Variants in PRDM10 observed in about 807,000 individuals in gnomAD.
PRDM10 encodes PR/SET domain 10.
PRDM10 carries 65 observed loss-of-function variants against 133.1 expected under a neutral mutation model. The ratio of observed to expected loss-of-function variants is 0.49; its 90% CI spans 0.40 to 0.60. The LOEUF (loss-of-function observed/expected upper bound fraction) is 0.60. Among genes scored for constraint, PRDM10 ranks in the 20% least tolerant of loss-of-function variants. PRDM10 has a pLI of 0.00. For synonymous variants in PRDM10, 582 were observed against 580.4 expected, an observed-to-expected ratio of 1.00 and a Z score of -0.04; for missense variants, 1,137 against 1,507.1, an observed-to-expected ratio of 0.75 and a Z score of 4.07.
At chr11:129,944,692 A>G (rs1365256141) in intron 6 of PRDM10, 79 bp downstream of exon 6, 2 of 1,538,086 alleles carry the variant, frequency 1.3e-6, no homozygotes, top group Non-Finnish European at 1.8e-6. Flanking sequence ...AAACAGGAAT[A>G]AGAGACTGAG....
chr11:129,986,107 G>A (rs111303508), intron 1 of PRDM10, among the ~76,000 whole-genome samples: 26 of 151,112 alleles, frequency 1.7e-4, no homozygotes, highest in African/African-American at 5.1e-4. Context: ...CTCGCCCTGT[G>A]CCTCCAACCT....
Position 129,902,136 on chromosome 11 carries a change from A to G in PRDM10, c.*177T>C, listed in dbSNP as rs1055236722. 8 of 848,714 alleles carry G rather than the reference A, an allele frequency of 9.4e-6. No individual in the cohort carries two copies. In the African/African-American group the frequency reaches 1.0e-4, roughly 11 times the overall value. The allele number at this position is 848,714 out of a possible 1,614,324, so 52.6% of individuals were successfully genotyped here. A position where few individuals can be genotyped will look rare whatever the true frequency, so the allele number is the denominator to read the frequency against. On this transcript the variant is annotated 3_prime_UTR_variant, in exon 21 of 21. Transcript: ENST00000360871. ...CAAAAACCGAGGGTTTGAAGAGTCA[A>G]TTTGATAAAGATGACCTTGGCAAAA...
intron 3 of PRDM10, among the ~76,000 whole-genome samples, chr11:129,955,803 A>G (rs145069602): frequency 2.1e-3 from 327 of 152,376 alleles, no homozygotes; most frequent in Non-Finnish European, 3.4e-3. Flanking sequence ...AATGGCTAAC[A>G]TACTTCGCAA....
intron 1 of PRDM10, among the ~76,000 whole-genome samples, chr11:129,971,242 A>T (rs1032842175): frequency 6.6e-6 from 1 of 152,172 alleles, no homozygotes; most frequent in Non-Finnish European, 1.5e-5. Context: ...CACGGTGTGG[A>T]AGGGGACCCG....
At chr11:129,933,007 T>A (rs1262721890) in intron 9 of PRDM10, among the ~76,000 whole-genome samples, 1 of 152,118 alleles carries the variant, frequency 6.6e-6, no homozygotes. Flanking sequence ...CAATCCTCCC[T>A]CTTGGGCCTC....
intron 1 of PRDM10, among the ~76,000 whole-genome samples, chr11:129,969,065 G>A (rs1951963523): frequency 6.6e-6 from 1 of 152,180 alleles, no homozygotes; most frequent in Non-Finnish European, 1.5e-5. Context: ...TGCACAGCTA[G>A]CAAAAACATA....
chr11:129,925,141 T>C lies in PRDM10; in HGVS notation c.1619A>G (p.Lys540Arg). ...ATGGAAGCGTAAGTGCTGGTCCAGT[T>C]TGTCCTTTTCCCGGAAGGCCTTCCC... Reference protein sequence around the residue: ...QCGKAFREKDKLDQHLRFHGR... With the variant: ...QCGKAFREKDRLDQHLRFHGR... The change falls in exon 12 of 21, where the codon AAA (lysine) becomes AGA (arginine). Residue 540 changes from lysine to arginine, a missense_variant. Lys to Arg is a conservative substitution (Grantham distance 26). Transcript: ENST00000360871. 1.9e-6 allele frequency: 3 copies of C among 1,614,210 alleles called. No individual in the cohort carries two copies. Among genetic ancestry groups the C allele is most frequent in the East Asian group, 2.2e-5 (1 of 44,884 alleles).
intron 2 of PRDM10, among the ~76,000 whole-genome samples, chr11:129,960,015 C>T (rs1356989462): frequency 1.3e-5 from 2 of 151,824 alleles, no homozygotes. Flanking sequence ...CCTGCCTTGC[C>T]CTCCCAAACT....
At position 129,929,491 on chromosome 11, in the gene PRDM10, T is replaced by C. The variant is rs1950783301; in HGVS notation, c.1530+1525A>G. On this transcript the variant is annotated intron_variant, in intron 11 of 20. Coordinates refer to ENST00000360871, the MANE Select transcript of PRDM10 (RefSeq NM_199437.2). The stretch of plus-strand genomic sequence containing the variant: ...ATTGGATTGGAAGACTTCCCTTCAG[T>C]TGGTCATTACCAATCTGGATAGAAA... 7.3e-6 allele frequency: 10 copies of C among 1,373,636 alleles called. No homozygotes were observed. In the East Asian group the frequency reaches 2.5e-4, roughly 35 times the overall value. 85.1% of individuals were successfully genotyped at this position (1,373,636 alleles called of 1,614,324 possible). A position where few individuals can be genotyped will look rare whatever the true frequency, so the allele number is the denominator to read the frequency against.
At chr11:129,988,779 G>A (rs1214921331) in intron 1 of PRDM10, among the ~76,000 whole-genome samples, 5 of 152,052 alleles carry the variant, frequency 3.3e-5, no homozygotes, top group Admixed American at 1.3e-4. Context: ...ACAGGCGTCC[G>A]CCACCACACC....
chr11:129,912,537 G>T (rs1284793368), intron 17 of PRDM10, among the ~76,000 whole-genome samples: 1 of 151,704 alleles, frequency 6.6e-6, no homozygotes, highest in Non-Finnish European at 1.5e-5. Context: ...GGATCACGAG[G>T]TCAGGAGATC....
At position 129,977,297 on chromosome 11, in the gene PRDM10, C is replaced by CACACACACACAT. The variant is rs1465081302; in HGVS notation, c.-118-16216_-118-16215insATGTGTGTGTGT. Among the ~76,000 whole-genome samples, 12 of 147,660 alleles carry CACACACACACAT rather than the reference C, an allele frequency of 8.1e-5. No individual in the cohort carries two copies. The East Asian group carries it at 2.3e-3, about 28-fold the overall frequency. Reference sequence around the variant, plus strand: ...ACACACACACACACACACACACACACACATTGAGATGCAGTCTCACTCTGT... The same window carrying CACACACACACAT: ...ACACACACACACACACACACACACACACACACACACATACATTGAGATGCAGTCTCACTCTGT... On this transcript the variant is annotated intron_variant, in intron 1 of 20. Transcript: ENST00000360871.
chr11:129,902,146 G>T lies in PRDM10; in HGVS notation c.*167C>A. The T allele has an allele frequency of 1.1e-6, 1 of 924,088 alleles. No homozygotes were observed. The highest frequency in any genetic ancestry group is 1.6e-6 in the Non-Finnish European group (1 of 644,070). 57.2% of individuals were successfully genotyped at this position (924,088 alleles called of 1,614,324 possible). A position where few individuals can be genotyped will look rare whatever the true frequency, so the allele number is the denominator to read the frequency against. Reference sequence around the variant, plus strand: ...GGGTTTGAAGAGTCAATTTGATAAAGATGACCTTGGCAAAATAAACCCCAG... The same window carrying T: ...GGGTTTGAAGAGTCAATTTGATAAATATGACCTTGGCAAAATAAACCCCAG... On this transcript the variant is annotated 3_prime_UTR_variant, in exon 21 of 21. Coordinates refer to ENST00000360871, the MANE Select transcript of PRDM10 (RefSeq NM_199437.2).
chr11:129,944,807 C>T lies in PRDM10; in HGVS notation c.726G>A (p.Arg242=), dbSNP rs376057358. 114 of 1,613,952 alleles carry T rather than the reference C, an allele frequency of 7.1e-5. 1 individual carries two copies. In the African/African-American group the frequency reaches 1.2e-3, roughly 17 times the overall value. The change falls in exon 6 of 21, where the codon AGG becomes AGA. Residue 242 remains arginine (R), a synonymous_variant. Transcript: ENST00000360871. ...QFGPVEGPLV[R]GSELKDCYIH... is the part of the protein sequence containing the mutation. ...TGTAACAGTCTTTCAGCTCCGAGCC[C>T]CTGACGAGAGGCCCCTCCACGGGGC...
At chr11:129,938,083 C>T (rs1444461123) in intron 7 of PRDM10, among the ~76,000 whole-genome samples, 2 of 152,154 alleles carry the variant, frequency 1.3e-5, no homozygotes, top group Admixed American at 6.5e-5. Context: ...CACCTTCTCC[C>T]GCCCACCCAC....
In PRDM10 at chr11:129,925,077, A is replaced by G; in HGVS notation, c.1683T>C (p.Cys561=). ...ATGTGCTGCTGATGAAGCCCTTGTT[A>G]CAGAGATCACAGGTCAGTGGGCAGT... ...EGNCPLTCDL[C]NKGFISSTSL... is the part of the protein sequence containing the mutation. Residue 561 remains cysteine (C), a synonymous_variant, in exon 12 of 21, where the codon TGT becomes TGC. Coordinates refer to ENST00000360871, the MANE Select transcript of PRDM10 (RefSeq NM_199437.2). The G allele has an allele frequency of 6.2e-7, 1 of 1,614,170 alleles. No homozygotes were observed. Among genetic ancestry groups the G allele is most frequent in the South Asian group, 1.1e-5 (1 of 91,078 alleles).
chr11:129,972,167 C>T (rs560022868), intron 1 of PRDM10, among the ~76,000 whole-genome samples: 5 of 152,336 alleles, frequency 3.3e-5, no homozygotes, highest in African/African-American at 7.2e-5. Flanking sequence ...GGCCCGCAAG[C>T]GCCGCGCGCA....
At chr11:129,976,597 C>G (rs1332309667) in intron 1 of PRDM10, among the ~76,000 whole-genome samples, 1 of 152,186 alleles carries the variant, frequency 6.6e-6, no homozygotes, top group Non-Finnish European at 1.5e-5. Context: ...GACCACATGA[C>G]TGAGAGATGT....
Position 129,925,195 on chromosome 11 carries a change from G to C in PRDM10, c.1565C>G (p.Ser522Cys). ...CTGCAAGCATTTAAAAGGCCGGAAGGACTTCCGAATAAACAGATGCTGAAG... is the reference window on the plus strand; with the variant it reads ...CTGCAAGCATTTAAAAGGCCGGAAGCACTTCCGAATAAACAGATGCTGAAG... ...AALQHLFIRK[S>C]FRPFKCLQCG... Residue 522 changes from serine to cysteine, a missense_variant, in exon 12 of 21, where the codon TCC becomes TGC. This residue lies in a region of PRDM10 where 635 missense variants were observed against 835.2 expected (regional missense o/e 0.76). Coordinates refer to ENST00000360871, the MANE Select transcript of PRDM10 (RefSeq NM_199437.2). The C allele has an allele frequency of 6.2e-7, 1 of 1,613,156 alleles. No individual in the cohort carries two copies. The highest frequency in any genetic ancestry group is 8.5e-7 in the Non-Finnish European group (1 of 1,179,638).
Sources: gnomAD v4.1 joint callset for allele counts (sites outside exome capture counted in the v4.1 genomes callset) on GRCh38, gnomAD v4.1.1 for gene constraint, gnomAD v4.1.1 regional missense constraint, MANE v1.5 for transcripts, NCBI Gene and HGNC (gene_info 2026-07-23, HGNC 2026-07-21) for gene names.